Variants in MRPL21 observed in about 807,000 individuals in gnomAD.
MRPL21 encodes the protein mitochondrial ribosomal protein L21.
In MRPL21, 20 loss-of-function variants were observed where a neutral mutation model predicts 27.3. The observed-to-expected ratio is 0.73, with a 90% CI of 0.52 to 1.06. The LOEUF (loss-of-function observed/expected upper bound fraction) is 1.06, where lower values mean the gene tolerates loss of function less well. MRPL21 is among the 50% of genes least tolerant of loss of function. The probability of loss-of-function intolerance (pLI) is 0.00; values close to 1 mark genes in which losing one functional copy is unlikely to be tolerated. For synonymous variants in MRPL21, 98 were observed against 101.5 expected (o/e 0.97, Z 0.21); for missense variants, 249 against 251.4 (o/e 0.99, Z 0.06).
intron 5 of MRPL21, chr11:68,893,196 A>G: frequency 7.4e-7 from 1 of 1,354,418 alleles, no homozygotes; most frequent in South Asian, 1.5e-5. Context: ...AGAGGACCAC[A>G]CTGTCATGAA....
intron 1 of MRPL21, 54 bp from the exon 2 acceptor site, chr11:68,900,659 T>C (rs1566418313): frequency 6.9e-7 from 1 of 1,449,970 alleles, no homozygotes; most frequent in African/African-American, 1.4e-5. Context: ...AAATGCAAAC[T>C]GCCCTTTATG....
Position 68,896,726 on chromosome 11 carries a change from C to G in MRPL21, c.233-48G>C, listed in dbSNP as rs572690949. ...GGGCAGTCACCCTCACCTGCTCCCCCACGCGCTGCAGTGTGATGTGCAGCT... is the reference window on the plus strand; with the variant it reads ...GGGCAGTCACCCTCACCTGCTCCCCGACGCGCTGCAGTGTGATGTGCAGCT... On this transcript the variant is annotated intron_variant, in intron 3 of 6. Transcript: ENST00000362034. 17 of 1,607,632 alleles carry G rather than the reference C, an allele frequency of 1.1e-5. No individual in the cohort carries two copies. The Middle Eastern group carries it at 6.5e-4, about 62-fold the overall frequency.
intron 3 of MRPL21, 157 bp from the exon 4 acceptor site, chr11:68,896,835 C>T (rs755318191): frequency 5.7e-6 from 5 of 870,712 alleles, no homozygotes; most frequent in South Asian, 3.2e-5. Context: ...CCCTGCTCCA[C>T]CCCCTGCAGG....
intron 6 of MRPL21, chr11:68,891,960 T>G: frequency 2.7e-6 from 2 of 733,784 alleles, no homozygotes; most frequent in Non-Finnish European, 2.0e-6. Flanking sequence ...AGTGCAGACC[T>G]GCTAGGACAG....
chr11:68,891,953 G>T, intron 6 of MRPL21: 3 of 689,428 alleles, frequency 4.4e-6, no homozygotes, highest in Non-Finnish European at 4.3e-6. Flanking sequence ...TGTCCTCAGT[G>T]CAGACCTGCT....
chr11:68,892,699 G>T, intron 6 of MRPL21, 191 bp downstream of exon 6: 1 of 1,526,508 alleles, frequency 6.6e-7, no homozygotes. Context: ...GAGCGTGGAG[G>T]AGAAGGGGAG....
At chr11:68,901,832 G>A (rs1173713136) in intron 1 of MRPL21, among the ~76,000 whole-genome samples, 2 of 152,072 alleles carry the variant, frequency 1.3e-5, no homozygotes, top group Non-Finnish European at 2.9e-5. Context: ...CACACCTCCA[G>A]AGGCTCCTCA....
At chr11:68,900,719 T>C in intron 1 of MRPL21, 114 bp from the exon 2 acceptor site, 1 of 903,772 alleles carries the variant, frequency 1.1e-6, no homozygotes, top group Non-Finnish European at 1.8e-6. Context: ...AACCACTGCA[T>C]GACAGCCTGC....
intron 4 of MRPL21, 117 bp downstream of exon 4, chr11:68,896,398 T>A: frequency 7.6e-7 from 1 of 1,323,258 alleles, no homozygotes; most frequent in South Asian, 1.3e-5. Context: ...CTCAGCTTTG[T>A]TGGCCTCCAC....
Position 68,903,789 on chromosome 11 carries a change from C to T in MRPL21, c.22G>A (p.Val8Ile). 6.3e-7 allele frequency: 1 copy of T among 1,591,934 alleles called. No individual in the cohort carries two copies. The highest frequency in any genetic ancestry group is 1.1e-5 in the South Asian group (1 of 89,962). Residue 8 changes from valine to isoleucine, a missense_variant, in exon 1 of 7, where the codon GTC becomes ATC. Physicochemically the swap from Val to Ile is conservative, Grantham distance 29 (BLOSUM62 3). Transcript: ENST00000362034. The part of the protein sequence containing the change: MAASSLT[V>I]TLGRLASACS... Reference sequence around the variant, plus strand: ...GCGGACGCCAGCCGCCCTAAGGTGACCGTCAGGGAAGATGCTGCCATGGCC... The same window carrying T: ...GCGGACGCCAGCCGCCCTAAGGTGATCGTCAGGGAAGATGCTGCCATGGCC...
intron 6 of MRPL21, chr11:68,891,895 G>T: frequency 2.0e-6 from 1 of 491,276 alleles, no homozygotes; most frequent in South Asian, 5.4e-5. Flanking sequence ...TCAGCTATGT[G>T]GCCCATGCCC....
chr11:68,903,153 T>C (rs1265571783), intron 1 of MRPL21, among the ~76,000 whole-genome samples: 2 of 152,206 alleles, frequency 1.3e-5, no homozygotes, highest in African/African-American at 4.8e-5. Flanking sequence ...TGGTGAGACA[T>C]GAAACCCAGG....
intron 3 of MRPL21, 114 bp from the exon 4 acceptor site, chr11:68,896,792 C>T: frequency 7.2e-7 from 1 of 1,379,736 alleles, no homozygotes. Context: ...CAGCCAGCAC[C>T]CCTTGTGAGC....
At chr11:68,892,710 C>T (rs1007518787) in intron 6 of MRPL21, 180 bp downstream of exon 6, 9 of 1,528,980 alleles carry the variant, frequency 5.9e-6, no homozygotes, top group Middle Eastern at 1.7e-4. Flanking sequence ...AGAAGGGGAG[C>T]GAGGCTGGAC....
chr11:68,893,170 G>A (rs1350831939), intron 5 of MRPL21, among the ~76,000 whole-genome samples, 177 bp from the exon 6 acceptor site: 4 of 152,180 alleles, frequency 2.6e-5, no homozygotes, highest in Non-Finnish European at 4.4e-5. Context: ...GTTCCAGGGA[G>A]TCTGAACAAA....
At chr11:68,898,754 C>T (rs1857863001) in intron 2 of MRPL21, among the ~76,000 whole-genome samples, 1 of 152,162 alleles carries the variant, frequency 6.6e-6, no homozygotes, top group Admixed American at 6.5e-5. Context: ...AGCCACTTCC[C>T]CTCCCCACCC....
At position 68,892,053 on chromosome 11, in the gene MRPL21, G is replaced by A. The variant is rs1594401857; in HGVS notation, c.554-658C>T. On this transcript the variant is annotated intron_variant, in intron 6 of 6. Transcript: ENST00000362034. ...TTGGAACAAAGTGGGGTCATGCGTGGAGGGTGGAGGAGAAGGGGAGCGAGG... is the reference window on the plus strand; with the variant it reads ...TTGGAACAAAGTGGGGTCATGCGTGAAGGGTGGAGGAGAAGGGGAGCGAGG... 19 of 1,289,268 alleles carry A rather than the reference G, an allele frequency of 1.5e-5. No individual in the cohort carries two copies. The East Asian group carries it at 5.4e-4, about 37-fold the overall frequency. 79.9% of individuals were successfully genotyped at this position (1,289,268 alleles called of 1,614,324 possible). A position where few individuals can be genotyped will look rare whatever the true frequency, so the allele number is the denominator to read the frequency against.
intron 5 of MRPL21, 73 bp from the exon 6 acceptor site, chr11:68,893,066 A>C: frequency 1.4e-6 from 2 of 1,445,166 alleles, no homozygotes; most frequent in Non-Finnish European, 1.8e-6. Flanking sequence ...AGAATTTCTA[A>C]AATGAAGTTA....
chr11:68,900,755 A>C (rs1857915424), intron 1 of MRPL21, 150 bp from the exon 2 acceptor site: 2 of 689,442 alleles, frequency 2.9e-6, no homozygotes, highest in South Asian at 1.7e-5. Flanking sequence ...GGTGAGCAAA[A>C]CTACAAGAAC....
Sources: gnomAD v4.1 joint callset for allele counts (sites outside exome capture counted in the v4.1 genomes callset) on GRCh38, gnomAD v4.1.1 for gene constraint, MANE v1.5 for transcripts, NCBI Gene and HGNC (gene_info 2026-07-23, HGNC 2026-07-21) for gene names.